Variants in CDH9 observed in about 807,000 individuals in gnomAD.
CDH9 encodes cadherin 9.
In CDH9, 28 loss-of-function variants were observed where a neutral mutation model predicts 70.9. That is an observed-to-expected ratio of 0.40 (90% CI 0.29 to 0.54). The LOEUF (loss-of-function observed/expected upper bound fraction) is 0.54. CDH9 is among the 20% of genes least tolerant of loss of function. The pLI is 0.59. For synonymous variants in CDH9, 409 were observed against 343.1 expected (o/e 1.19, Z -2.12); for missense variants, 874 against 984.4 (o/e 0.89, Z 1.50).
At chr5:27,001,605 G>A (rs1293615711) in intron 1 of CDH9, among the ~76,000 whole-genome samples, 1 of 152,020 alleles carries the variant, frequency 6.6e-6, no homozygotes, top group Non-Finnish European at 1.5e-5. Flanking sequence ...ATTTACACAA[G>A]TTAGTATATA....
At chr5:26,905,911 G>A in intron 5 of CDH9, 48 bp downstream of exon 5, 3 of 1,391,210 alleles carry the variant, frequency 2.2e-6, no homozygotes, top group Non-Finnish European at 3.1e-6. Context: ...TCGGCTACTA[G>A]TGTATTTGAG....
At chr5:26,922,148 A>C (rs1032334332) in intron 2 of CDH9, among the ~76,000 whole-genome samples, 2 of 150,674 alleles carry the variant, frequency 1.3e-5, no homozygotes, top group African/African-American at 4.9e-5. Context: ...GGAGAGAGAG[A>C]TGAGAGTAGA....
chr5:26,883,892 C>T (rs962833288), intron 11 of CDH9, among the ~76,000 whole-genome samples: 1 of 151,878 alleles, frequency 6.6e-6, no homozygotes, highest in African/African-American at 2.4e-5. Context: ...TCAAAATGTA[C>T]GAAAGTACAT....
At chr5:26,937,887 T>C (rs1249268430) in intron 2 of CDH9, among the ~76,000 whole-genome samples, 1 of 152,018 alleles carries the variant, frequency 6.6e-6, no homozygotes, top group African/African-American at 2.4e-5. Flanking sequence ...CTGTATAATA[T>C]CAAAATGGTG....
chr5:27,023,224 G>A (rs1295553357), intron 1 of CDH9, among the ~76,000 whole-genome samples: 2 of 151,942 alleles, frequency 1.3e-5, no homozygotes, highest in Non-Finnish European at 2.9e-5. Context: ...CATACAATTT[G>A]GGAAATGTTT....
intron 1 of CDH9, among the ~76,000 whole-genome samples, chr5:27,006,945 T>A (rs186069006): frequency 2.9e-4 from 44 of 152,254 alleles, no homozygotes; most frequent in Admixed American, 5.2e-4. Flanking sequence ...AGAGAGTTTG[T>A]GACACATCCC....
intron 5 of CDH9, 108 bp from the exon 6 acceptor site, chr5:26,903,932 T>G: frequency 1.6e-6 from 1 of 611,974 alleles, no homozygotes; most frequent in Non-Finnish European, 2.8e-6. Context: ...GGAGAGTTTT[T>G]ATCATATTGA....
At chr5:27,023,284 A>G (rs978382748) in intron 1 of CDH9, among the ~76,000 whole-genome samples, 2 of 152,052 alleles carry the variant, frequency 1.3e-5, no homozygotes, top group Non-Finnish European at 2.9e-5. Context: ...GCATAAATCA[A>G]TTCTTTCTTC....
At chr5:26,974,229 G>C (rs1023920732) in intron 2 of CDH9, among the ~76,000 whole-genome samples, 4 of 152,098 alleles carry the variant, frequency 2.6e-5, no homozygotes, top group Admixed American at 1.3e-4. Flanking sequence ...GCAGCTGAGT[G>C]AGACTCCATC....
intron 1 of CDH9, among the ~76,000 whole-genome samples, chr5:26,989,722 A>C (rs886926301): frequency 2.6e-5 from 4 of 152,112 alleles, no homozygotes; most frequent in African/African-American, 9.6e-5. Context: ...TTAAGCCAGA[A>C]ACCCAATGTT....
In CDH9 at chr5:27,005,463, TA is replaced by T. The variant is rs1336829877; in HGVS notation, c.-49-17082del. Among the ~76,000 whole-genome samples, 4 of 151,848 alleles carry T rather than the reference TA, an allele frequency of 2.6e-5. No homozygotes were observed. The South Asian group carries it at 6.2e-4, about 24-fold the overall frequency. On this transcript the variant is annotated intron_variant, in intron 1 of 11. Coordinates refer to ENST00000231021, the MANE Select transcript of CDH9 (RefSeq NM_016279.4). ...AGAAAAATACAAATCAAAACCACAA[TA>T]AGACCCCATCTCACAACAGTCAGAA...
intron 2 of CDH9, among the ~76,000 whole-genome samples, chr5:26,982,509 A>G (rs1190627825): frequency 6.6e-6 from 1 of 152,130 alleles, no homozygotes; most frequent in Non-Finnish European, 1.5e-5. Context: ...ATTAATAAAG[A>G]ATAAAGATTT....
At chr5:26,887,965 A>G (rs1302245039) in intron 9 of CDH9, among the ~76,000 whole-genome samples, 1 of 152,120 alleles carries the variant, frequency 6.6e-6, no homozygotes, top group South Asian at 2.1e-4. Context: ...TTAATTTTAT[A>G]CTTCCAGCCT....
chr5:27,021,826 A>G (rs1397728177), intron 1 of CDH9, among the ~76,000 whole-genome samples: 1 of 151,992 alleles, frequency 6.6e-6, no homozygotes, highest in African/African-American at 2.4e-5. Context: ...TAGTGAATAG[A>G]TTAATTTCCT....
chr5:26,932,104 T>C (rs983216750), intron 2 of CDH9, among the ~76,000 whole-genome samples: 5 of 145,230 alleles, frequency 3.4e-5, no homozygotes, highest in African/African-American at 1.0e-4. Flanking sequence ...AGAAGTGTTA[T>C]TACTTTTCAA....
chr5:27,002,259 G>T (rs1210998140), intron 1 of CDH9, among the ~76,000 whole-genome samples: 1 of 152,146 alleles, frequency 6.6e-6, no homozygotes, highest in East Asian at 1.9e-4. Context: ...ATCATTAAAT[G>T]TCAGGAAACA....
Position 26,902,241 on chromosome 5 carries a change from C to T in CDH9, c.1253+235G>A, listed in dbSNP as rs183763616. On this transcript the variant is annotated intron_variant, in intron 7 of 11. Transcript: ENST00000231021. ...ATTATAATACTATCTACCTTGTACC[C>T]AGAGCATTTCAAAGACAGCCAAGCT... 6.1e-4 allele frequency among the ~76,000 whole-genome samples: 92 copies of T among 151,958 alleles called. No individual in the cohort carries two copies. In the South Asian group the frequency reaches 7.9e-3, roughly 13 times the overall value.
intron 5 of CDH9, among the ~76,000 whole-genome samples, chr5:26,904,540 G>A (rs1269070165): frequency 6.6e-6 from 1 of 152,032 alleles, no homozygotes; most frequent in Non-Finnish European, 1.5e-5. Context: ...CCTCACACTA[G>A]TCCTCAAAGG....
chr5:26,982,062 C>T (rs572356349), intron 2 of CDH9, among the ~76,000 whole-genome samples: 5 of 152,174 alleles, frequency 3.3e-5, no homozygotes, highest in African/African-American at 1.2e-4. Flanking sequence ...CCCTCCGTCT[C>T]GTCCTTCCTG....
Sources: gnomAD v4.1 joint callset for allele counts (sites outside exome capture counted in the v4.1 genomes callset) on GRCh38, gnomAD v4.1.1 for gene constraint, MANE v1.5 for transcripts, NCBI Gene and HGNC (gene_info 2026-07-23, HGNC 2026-07-21) for gene names.